The following DOK4 variants were observed in gnomAD, a reference collection of about 807,000 sequenced individuals.
DOK4 encodes downstream of tyrosine kinase 4.
Under a neutral mutation model 40.1 loss-of-function variants are expected in DOK4, and 26 were observed. The observed-to-expected ratio is 0.65, with a 90% CI of 0.48 to 0.90. DOK4 has a LOEUF of 0.90. DOK4 is among the 40% of genes least tolerant of loss of function. The pLI is 0.00. For missense variants in DOK4, 392 were observed against 437.2 expected (o/e 0.90, Z 0.92); for synonymous variants, 179 against 177.0 (o/e 1.01, Z -0.09).
chr16:57,473,994 C>T lies in DOK4; in HGVS notation c.645G>A (p.Glu215=), dbSNP rs138895105. Residue 215 remains glutamate (E), a synonymous_variant, in exon 7 of 9, where the codon GAG becomes GAA. Coordinates refer to ENST00000340099, the Ensembl canonical transcript of DOK4. ...GGACGCGCTGGTAAATCTGCTCCCC[C>T]TCTTGTGTCTGGAAGGTATAGAGTC... 30 of 1,614,172 alleles carry T rather than the reference C, an allele frequency of 1.9e-5. No homozygotes were observed. In the Middle Eastern group the frequency reaches 5.0e-4, roughly 27 times the overall value.
chr16:57,485,603 G>A lies in DOK4; in HGVS notation c.-182+702C>T, dbSNP rs1049235018. On this transcript the variant is annotated intron_variant, in intron 1 of 8. Transcript: ENST00000340099. The surrounding 1 kb of genome is among the most constrained non-coding windows in gnomAD (Gnocchi z 4.3). Reference sequence around the variant, plus strand: ...AAGCGGAAGCGCCCCAGCAACTGACGTGTCCCCATGGCTTGGGGCAGGCAG... The same window carrying A: ...AAGCGGAAGCGCCCCAGCAACTGACATGTCCCCATGGCTTGGGGCAGGCAG... Among the ~76,000 whole-genome samples the A allele has an allele frequency of 6.6e-6, 1 of 152,230 alleles. No homozygotes were observed. Among genetic ancestry groups the A allele is most frequent in the Non-Finnish European group, 1.5e-5 (1 of 68,044 alleles).
At chr16:57,483,649 A>G (rs1243972664) in intron 1 of DOK4, among the ~76,000 whole-genome samples, 5 of 152,144 alleles carry the variant, frequency 3.3e-5, no homozygotes, top group Non-Finnish European at 5.9e-5. Context: ...AAAAAAATCA[A>G]TTAAAAAAAT....
exon 9 of DOK4, chr16:57,472,807 CAG>C (rs2030923458): frequency 6.5e-6 from 1 of 153,328 alleles, no homozygotes; most frequent in African/African-American, 2.4e-5. Flanking sequence ...GCAAGCAGCA[CAG>C]AGGAAGTGCA....
intron 1 of DOK4, among the ~76,000 whole-genome samples, chr16:57,484,685 C>T (rs2031499005): frequency 6.6e-6 from 1 of 152,180 alleles, no homozygotes; most frequent in South Asian, 2.1e-4. Flanking sequence ...CTGTTTCCCA[C>T]CTACAACATT....
At position 57,475,512 on chromosome 16, in the gene DOK4, C is replaced by T. The variant is rs755062671; in HGVS notation, c.283G>A (p.Asp95Asn). 23 of 1,605,148 alleles carry T rather than the reference C, an allele frequency of 1.4e-5. No homozygotes were observed. The highest frequency in any genetic ancestry group is 1.2e-4 in the South Asian group (11 of 89,868). The change falls in exon 4 of 9, where the codon GAC becomes AAC. Residue 95 changes from aspartate to asparagine, a missense_variant. Physicochemically the swap from Asp to Asn is conservative, Grantham distance 23. Coordinates refer to ENST00000340099, the Ensembl canonical transcript of DOK4. The stretch of plus-strand genomic sequence containing the variant: ...GCCCATACTCGCGCCTCACCTGAGT[C>T]GCAGGTGAAGGTACGTGCCGAGTCA...
rs150475517 is a variant in DOK4, at chr16:57,482,012, C to T, written c.-181-2324G>A. 2.6e-4 allele frequency among the ~76,000 whole-genome samples: 39 copies of T among 152,166 alleles called. No homozygotes were observed. In the East Asian group the frequency reaches 7.6e-3, roughly 30 times the overall value. On this transcript the variant is annotated intron_variant, in intron 1 of 8. Transcript: ENST00000340099. Reference sequence around the variant, plus strand: ...CCCGAGTAGCTGGAACTACAGGCTCCCACCACCATGCTCGGCTAATTTTCG... The same window carrying T: ...CCCGAGTAGCTGGAACTACAGGCTCTCACCACCATGCTCGGCTAATTTTCG...
rs753578322 is a variant in DOK4 at position 57,473,515 on chromosome 16, C to T, written c.863-20G>A. ...CCTCACCTGTGGGCACAGAAGCAGGCTCAGAACTCAGAGCTAGGTCAAAAG... is the reference window on the plus strand; with the variant it reads ...CCTCACCTGTGGGCACAGAAGCAGGTTCAGAACTCAGAGCTAGGTCAAAAG... On this transcript the variant is annotated intron_variant, in intron 8 of 8. Coordinates refer to ENST00000340099, the Ensembl canonical transcript of DOK4. The T allele has an allele frequency of 2.5e-6, 4 of 1,614,212 alleles. No individual in the cohort carries two copies. The highest frequency in any genetic ancestry group is 3.4e-6 in the Non-Finnish European group (4 of 1,180,032).
At chr16:57,474,881 T>TGAA in exon 6 of DOK4, 1 of 1,614,078 alleles carries the variant, frequency 6.2e-7, no homozygotes, top group Non-Finnish European at 8.5e-7. Context: ...ACACGGGGGT[T>TGAA]GTGGATGTCC....
In DOK4 at chr16:57,479,288, A is replaced by G. The variant is rs1413441305; in HGVS notation, c.66+154T>C. Among the ~76,000 whole-genome samples, 1 of 152,228 alleles carries G rather than the reference A, an allele frequency of 6.6e-6. No individual in the cohort carries two copies. Among genetic ancestry groups the G allele is most frequent in the Admixed American group, 6.5e-5 (1 of 15,280 alleles). On this transcript the variant is annotated intron_variant, in intron 2 of 8. Coordinates refer to ENST00000340099, the Ensembl canonical transcript of DOK4. This position sits in a 1 kb window ranked among gnomAD's most constrained non-coding sequence, Gnocchi z 5.8. ...AACCCAGCCCAGGCACATGCCAGGCAGCACGCTGGCGAGGAGCCCCGAGAC... is the reference window on the plus strand; with the variant it reads ...AACCCAGCCCAGGCACATGCCAGGCGGCACGCTGGCGAGGAGCCCCGAGAC...
In DOK4 at chr16:57,473,894, G is replaced by T; in HGVS notation, c.738+7C>A. 1.2e-6 allele frequency: 2 copies of T among 1,604,234 alleles called. No individual in the cohort carries two copies. The highest frequency in any genetic ancestry group is 1.7e-6 in the Non-Finnish European group (2 of 1,174,986). On this transcript the variant is annotated splice_region_variant and intron_variant, in intron 7 of 8. Coordinates refer to ENST00000340099, the Ensembl canonical transcript of DOK4. ...CCCGTACCCTGGACTGATGCCCGCT[G>T]CCTCACCCTCACGTTCTTCTCCATT...
intron 7 of DOK4, 51 bp from the exon 8 acceptor site, chr16:57,473,787 G>A (rs771336813): frequency 6.3e-7 from 1 of 1,588,570 alleles, no homozygotes. Context: ...CAGTATCCCT[G>A]AGCAGCCACC....
Position 57,479,259 on chromosome 16 carries a change from G to A in DOK4, c.66+183C>T, listed in dbSNP as rs1238586411. Among the ~76,000 whole-genome samples, 1 of 152,244 alleles carries A rather than the reference G, an allele frequency of 6.6e-6. No homozygotes were observed. The highest frequency in any genetic ancestry group is 1.9e-4 in the East Asian group (1 of 5,190). The stretch of plus-strand genomic sequence containing the variant: ...CCCTCTGGGGCGGGGGCTGCAGCAG[G>A]CAGAACCCAGCCCAGGCACATGCCA... On this transcript the variant is annotated intron_variant, in intron 2 of 8. Coordinates refer to ENST00000340099, the Ensembl canonical transcript of DOK4. The surrounding 1 kb of genome is among the most constrained non-coding windows in gnomAD (Gnocchi z 5.8).
intron 8 of DOK4, 48 bp from the exon 9 acceptor site, chr16:57,473,543 C>A (rs777750084): frequency 3.7e-6 from 6 of 1,614,080 alleles, no homozygotes; most frequent in South Asian, 3.3e-5. Context: ...GTCAAAAGAC[C>A]CCTGCCCAAT....
Position 57,479,600 on chromosome 16 carries a change from C to T in DOK4, c.-93G>A. On this transcript the variant is annotated 5_prime_UTR_variant, in exon 2 of 9. Coordinates refer to ENST00000340099, the Ensembl canonical transcript of DOK4. The surrounding 1 kb of genome is among the most constrained non-coding windows in gnomAD (Gnocchi z 5.8). ...TCTCCGGCTCCTCCAATCACCTGTTCCAGACACTCTGTCGGGGCTGCCGCG... is the reference window on the plus strand; with the variant it reads ...TCTCCGGCTCCTCCAATCACCTGTTTCAGACACTCTGTCGGGGCTGCCGCG... 1.4e-6 allele frequency: 2 copies of T among 1,414,090 alleles called. No homozygotes were observed. The highest frequency in any genetic ancestry group is 2.3e-5 in the East Asian group (1 of 43,576). 87.6% of individuals were successfully genotyped at this position (1,414,090 alleles called of 1,614,324 possible). A position where few individuals can be genotyped will look rare whatever the true frequency, so the allele number is the denominator to read the frequency against.
intron 7 of DOK4, 37 bp downstream of exon 7, chr16:57,473,864 C>CG (rs2031004427): frequency 1.1e-5 from 17 of 1,541,446 alleles, no homozygotes; most frequent in East Asian, 2.3e-5. Context: ...CCGTTCCCCC[C>CG]TCCCCCCGTA....
chr16:57,479,414 G>C lies in DOK4; in HGVS notation c.66+28C>G, dbSNP rs777969373. ...TCCTCGGGCCCCCATCCCTTGGCAG[G>C]GCCCCTCCGCAGCTCAGGGTCACTC... On this transcript the variant is annotated intron_variant, in intron 2 of 8. Transcript: ENST00000340099. The surrounding 1 kb of genome is among the most constrained non-coding windows in gnomAD (Gnocchi z 5.8). The C allele has an allele frequency of 6.8e-6, 11 of 1,611,288 alleles. No homozygotes were observed. The highest frequency in any genetic ancestry group is 9.3e-6 in the Non-Finnish European group (11 of 1,179,040).
At chr16:57,475,747 T>C (rs1459505711) in intron 3 of DOK4, 103 bp downstream of exon 3, 157 of 594,206 alleles carry the variant, frequency 2.6e-4, no homozygotes, top group Non-Finnish European at 3.9e-4. Flanking sequence ...TCTCCCTCTC[T>C]CCCCCTTTCT....
chr16:57,482,416 G>A (rs1286649546), intron 1 of DOK4, among the ~76,000 whole-genome samples: 6 of 144,006 alleles, frequency 4.2e-5, no homozygotes, highest in African/African-American at 1.6e-4. Flanking sequence ...GCCCAGGCTG[G>A]AGTGCAGTGG....
Position 57,475,634 on chromosome 16 carries a change from C to T in DOK4, c.175-14G>A, listed in dbSNP as rs2031118595. On this transcript the variant is annotated splice_polypyrimidine_tract_variant and intron_variant, in intron 3 of 8. Transcript: ENST00000340099. ...GATCTCAGTCACCTGGGACAGCATC[C>T]ACAAGGGACTTAGCCAGGCCAGTGC... The T allele has an allele frequency of 6.4e-7, 1 of 1,570,136 alleles. No individual in the cohort carries two copies. Among genetic ancestry groups the T allele is most frequent in the Non-Finnish European group, 8.6e-7 (1 of 1,157,152 alleles).
Sources: allele counts gnomAD v4.1 joint callset (sites outside exome capture counted in the v4.1 genomes callset), GRCh38; gene constraint gnomAD v4.1.1; non-coding constraint Gnocchi (gnomAD v3.1); transcripts MANE v1.5; gene names NCBI Gene and HGNC (gene_info 2026-07-23, HGNC 2026-07-21).